The following SERGEF variants were observed in gnomAD, a reference collection of about 807,000 sequenced individuals.
SERGEF encodes secretion-regulating guanine nucleotide exchange factor.
A neutral mutation model predicts 50.0 loss-of-function variants in SERGEF; 51 were observed. The ratio of observed to expected loss-of-function variants is 1.02; its 90% CI spans 0.81 to 1.29. The LOEUF is 1.29. SERGEF is among the 50% of genes most tolerant of loss of function. The pLI, the probability that SERGEF is intolerant of heterozygous loss-of-function variation, is 0.00. For missense variants in SERGEF, 521 were observed against 557.0 expected (o/e 0.94, Z 0.65); for synonymous variants, 205 against 212.4 (o/e 0.97, Z 0.30).
At chr11:17,955,385 C>T (rs1403851706) in intron 9 of SERGEF, among the ~76,000 whole-genome samples, 1 of 152,152 alleles carries the variant, frequency 6.6e-6, no homozygotes, top group East Asian at 1.9e-4. Flanking sequence ...CACTGTATGG[C>T]CAACACTGGT....
At chr11:17,817,638 GCTA>G (rs1233759452) in intron 10 of SERGEF, among the ~76,000 whole-genome samples, 1 of 152,182 alleles carries the variant, frequency 6.6e-6, no homozygotes, top group Non-Finnish European at 1.5e-5. Context: ...ATATAACAAA[GCTA>G]GTAAGTGGTA....
At chr11:17,841,913 C>T (rs1156892170) in intron 10 of SERGEF, among the ~76,000 whole-genome samples, 1 of 152,208 alleles carries the variant, frequency 6.6e-6, no homozygotes, top group Admixed American at 6.5e-5. Context: ...CTAATTATAA[C>T]TCCTAGTGAT....
At chr11:17,873,745 C>T (rs1008933211) in intron 10 of SERGEF, among the ~76,000 whole-genome samples, 13 of 152,116 alleles carry the variant, frequency 8.5e-5, no homozygotes, top group Non-Finnish European at 1.9e-4. Context: ...GCCTGTCTGG[C>T]AAGCCTGAGT....
intron 1 of SERGEF, chr11:18,012,399 A>T: frequency 1.3e-6 from 1 of 747,128 alleles, no homozygotes; most frequent in Non-Finnish European, 1.6e-6. Context: ...TCAAACCAAC[A>T]GCAGCCCAAC....
At chr11:17,964,345 T>C (rs1853074890) in intron 8 of SERGEF, among the ~76,000 whole-genome samples, 1 of 151,822 alleles carries the variant, frequency 6.6e-6, no homozygotes, top group Non-Finnish European at 1.5e-5. Context: ...TCCTTTACCA[T>C]CCATCAAGGG....
intron 10 of SERGEF, among the ~76,000 whole-genome samples, chr11:17,859,990 G>T (rs995015098): frequency 6.6e-6 from 1 of 152,192 alleles, no homozygotes; most frequent in African/African-American, 2.4e-5. Context: ...AGGGAACAGG[G>T]ATTTAACACA....
In SERGEF at chr11:18,002,515, T is replaced by C. The variant is rs1315846818; in HGVS notation, c.447+1926A>G. Among the ~76,000 whole-genome samples, 3 of 152,202 alleles carry C rather than the reference T, an allele frequency of 2.0e-5. No homozygotes were observed. In the East Asian group the frequency reaches 5.8e-4, roughly 29 times the overall value. On this transcript the variant is annotated intron_variant, in intron 4 of 10. Transcript: ENST00000265965. ...GCACCTTTGCTTACATGGTTCCTTC[T>C]GCCTAGAATGTTCTTCTTTTGCACC...
At chr11:17,789,747 A>G (rs1849449132) in intron 10 of SERGEF, among the ~76,000 whole-genome samples, 1 of 152,238 alleles carries the variant, frequency 6.6e-6, no homozygotes, top group African/African-American at 2.4e-5. Flanking sequence ...AAATTTATAA[A>G]TATTTGTATA....
intron 8 of SERGEF, among the ~76,000 whole-genome samples, chr11:17,985,554 C>T (rs1417349383): frequency 6.6e-6 from 1 of 152,206 alleles, no homozygotes; most frequent in African/African-American, 2.4e-5. Flanking sequence ...TGATCGGGAA[C>T]ATTAAGCAGC....
At chr11:17,842,193 T>C (rs1431103236) in intron 10 of SERGEF, among the ~76,000 whole-genome samples, 3 of 152,128 alleles carry the variant, frequency 2.0e-5, no homozygotes, top group Non-Finnish European at 4.4e-5. Context: ...GCCTGAAACA[T>C]AGTAGATAGT....
At chr11:17,890,026 CAAAAAAAAAAAA>C (rs59805347) in intron 9 of SERGEF, among the ~76,000 whole-genome samples, 19 of 73,970 alleles carry the variant, frequency 2.6e-4, no homozygotes, top group East Asian at 2.2e-3. Flanking sequence ...ACACTTCAAC[CAAAAAAAAAAAA>C]AAAAAAAAAA....
At chr11:17,835,704 C>A (rs1375447073) in intron 10 of SERGEF, among the ~76,000 whole-genome samples, 1 of 152,124 alleles carries the variant, frequency 6.6e-6, no homozygotes, top group African/African-American at 2.4e-5. Flanking sequence ...ATTAAAATCC[C>A]CAGTCAGGAA....
chr11:17,882,192 G>GA (rs1851345659), intron 9 of SERGEF, among the ~76,000 whole-genome samples: 1 of 152,138 alleles, frequency 6.6e-6, no homozygotes, highest in African/African-American at 2.4e-5. Context: ...AAGGCGGGGG[G>GA]ATCGTTTGAG....
intron 9 of SERGEF, among the ~76,000 whole-genome samples, chr11:17,910,191 A>ACTCTCTCTCTCTCT (rs150069623): frequency 3.8e-5 from 5 of 132,654 alleles, no homozygotes; most frequent in African/African-American, 1.3e-4. Context: ...ACACACACAC[A>ACTCTCTCTCTCTCT]CACTCTCTCT....
chr11:17,806,587 G>T (rs945709937), intron 10 of SERGEF, among the ~76,000 whole-genome samples: 1 of 152,182 alleles, frequency 6.6e-6, no homozygotes, highest in African/African-American at 2.4e-5. Context: ...CACAGCCTCT[G>T]TATTGCTGGG....
chr11:17,864,961 T>C (rs146116099), intron 10 of SERGEF, among the ~76,000 whole-genome samples: 149 of 152,320 alleles, frequency 9.8e-4, no homozygotes, highest in African/African-American at 3.3e-3. Context: ...ATTTAAAAAA[T>C]TGTGAGGCTG....
intron 10 of SERGEF, chr11:17,877,818 C>T (rs1486667491): frequency 6.4e-5 from 11 of 170,624 alleles, no homozygotes; most frequent in Non-Finnish European, 3.7e-5. Context: ...CCGCATATTT[C>T]CAAAGAAAGA....
intron 9 of SERGEF, among the ~76,000 whole-genome samples, chr11:17,952,769 T>C (rs1269029566): frequency 6.6e-6 from 1 of 152,154 alleles, no homozygotes; most frequent in Non-Finnish European, 1.5e-5. Flanking sequence ...ACCTTCCCAC[T>C]GAAGCTGCTC....
chr11:17,974,896 G>A (rs933066383), intron 8 of SERGEF, among the ~76,000 whole-genome samples: 1 of 152,206 alleles, frequency 6.6e-6, no homozygotes, highest in Non-Finnish European at 1.5e-5. Context: ...GGGCTTAATG[G>A]AGAGAAGTGG....
Sources: allele counts gnomAD v4.1 joint callset (sites outside exome capture counted in the v4.1 genomes callset), GRCh38; gene constraint gnomAD v4.1.1; transcripts MANE v1.5; gene names NCBI Gene and HGNC (gene_info 2026-07-23, HGNC 2026-07-21).